ZDHHC7: variants seen among roughly 807,000 people sequenced by gnomAD.
The protein encoded by ZDHHC7 is palmitoyltransferase ZDHHC7.
In ZDHHC7, 12 loss-of-function variants were observed where a neutral mutation model predicts 34.1. The ratio of observed to expected loss-of-function variants is 0.35; its 90% confidence interval spans 0.23 to 0.57. The LOEUF is 0.57. Among genes scored for constraint, ZDHHC7 ranks in the 20% least tolerant of loss-of-function variants. The probability of loss-of-function intolerance (pLI) is 0.84; values close to 1 mark genes in which losing one functional copy is unlikely to be tolerated. For missense variants in ZDHHC7, 388 were observed against 402.7 expected (o/e 0.96, Z 0.31); for synonymous variants, 185 against 155.4 (o/e 1.19, Z -1.42).
intron 2 of ZDHHC7, among the ~76,000 whole-genome samples, chr16:84,993,492 T>A (rs1361072867): frequency 1.3e-5 from 2 of 150,990 alleles, no homozygotes; most frequent in Non-Finnish European, 1.5e-5. Context: ...TTTTTTTTTT[T>A]ATAGTCAGGC....
intron 2 of ZDHHC7, among the ~76,000 whole-genome samples, chr16:84,991,259 A>G (rs1285895689): frequency 6.6e-6 from 1 of 151,964 alleles, no homozygotes; most frequent in Non-Finnish European, 1.5e-5. Context: ...TTGACACTCT[A>G]CCCTGCTTCT....
chr16:84,997,895 T>TAAAAA (rs751166134), intron 1 of ZDHHC7, among the ~76,000 whole-genome samples: 2 of 64,428 alleles, frequency 3.1e-5, no homozygotes, highest in African/African-American at 6.1e-5. Context: ...AGACTCCGTC[T>TAAAAA]AAAAAAAAAA....
chr16:85,013,245 ATTAT>A (rs773667128), upstream of ZDHHC7, among the ~76,000 whole-genome samples: 38 of 151,896 alleles, frequency 2.5e-4, no homozygotes, highest in Non-Finnish European at 5.0e-4. Context: ...TATTATTATT[ATTAT>A]TATTTTACTT....
At chr16:84,986,094 C>T (rs1376032657) in intron 3 of ZDHHC7, among the ~76,000 whole-genome samples, 5 of 151,518 alleles carry the variant, frequency 3.3e-5, no homozygotes, top group African/African-American at 1.2e-4. Context: ...TTAAAAGATA[C>T]ACACGTTTAC....
the ZDHHC7 span, among the ~76,000 whole-genome samples, chr16:85,021,922 C>T: frequency 6.6e-6 from 1 of 151,266 alleles, no homozygotes; most frequent in Non-Finnish European, 1.5e-5. Context: ...TTTGGGAGGC[C>T]GAGGCGGTTG....
At chr16:84,981,751 C>G in intron 4 of ZDHHC7, 119 bp downstream of exon 4, 2 of 1,572,342 alleles carry the variant, frequency 1.3e-6, no homozygotes, top group Non-Finnish European at 1.7e-6. Flanking sequence ...GCCCGTACAA[C>G]GTTGCCCAGA....
intron 1 of ZDHHC7, among the ~76,000 whole-genome samples, chr16:85,001,709 C>T (rs1438781022): frequency 6.6e-6 from 1 of 152,120 alleles, no homozygotes; most frequent in African/African-American, 2.4e-5. Context: ...CACCAACAGC[C>T]ACCAGCACAC....
At chr16:84,982,942 T>C (rs945653869) in intron 3 of ZDHHC7, among the ~76,000 whole-genome samples, 5 of 152,160 alleles carry the variant, frequency 3.3e-5, no homozygotes, top group Non-Finnish European at 7.4e-5. Context: ...GTAGGGAAGG[T>C]AAGGCCAGAG....
Position 84,977,989 on chromosome 16 carries a change from G to T in ZDHHC7, c.554C>A (p.Ser185Tyr), listed in dbSNP as rs778309933. 1.9e-6 allele frequency: 3 copies of T among 1,613,704 alleles called. No homozygotes were observed. The South Asian group carries it at 3.3e-5, about 18-fold the overall frequency. Residue 185 changes from serine (S) to tyrosine (Y), a missense_variant, in exon 6 of 8, where the codon TCT (serine) becomes TAT (tyrosine). Coordinates refer to ENST00000313732, the MANE Select transcript of ZDHHC7 (RefSeq NM_017740.3). ...ACAAAGGATCAGAGCATGGACTGAA[G>T]ACAGAGCTATATACATCTAGAATGA... is the stretch of plus-strand genomic sequence containing the variant. The part of the protein sequence containing the change: ...FVLFTMYIAL[S>Y]SVHALILCGF...
At chr16:85,003,264 G>A (rs530442903) in intron 1 of ZDHHC7, among the ~76,000 whole-genome samples, 4 of 152,174 alleles carry the variant, frequency 2.6e-5, no homozygotes, top group Admixed American at 6.5e-5. Flanking sequence ...CCAGGGGGGC[G>A]CTGTAAGATC....
chr16:84,998,562 G>A lies in ZDHHC7; in HGVS notation c.-103-2555C>T, dbSNP rs1344934057. Among the ~76,000 whole-genome samples the A allele has an allele frequency of 5.3e-5, 8 of 152,124 alleles. 1 individual carries two copies. In the South Asian group the frequency reaches 1.0e-3, roughly 20 times the overall value. On this transcript the variant is annotated intron_variant, in intron 1 of 7. Coordinates refer to ENST00000313732, the MANE Select transcript of ZDHHC7 (RefSeq NM_017740.3). ...GCCTCCCGATAACCCGAGATGGCTC[G>A]CTGTCTCCCGCCCTAGTGTGCCAAG...
rs772988080 is a variant in ZDHHC7 at position 84,990,572 on chromosome 16, A to G, written c.47T>C (p.Leu16Pro). The G allele has an allele frequency of 6.2e-7, 1 of 1,614,086 alleles. No homozygotes were observed. The highest frequency in any genetic ancestry group is 1.7e-5 in the Admixed American group (1 of 60,002). The change falls in exon 3 of 8, where the codon CTC becomes CCC. Residue 16 changes from leucine to proline, a missense_variant. Transcript: ENST00000313732. The stretch of plus-strand genomic sequence containing the variant: ...GTCATAGTTGTCATTTTCAGCCAGG[A>G]GAGGATGATGCTCGACGTCCCGGAG... Reference protein sequence around the residue: ...HRLRDVEHHPLLAENDNYDSS... With the variant: ...HRLRDVEHHPPLAENDNYDSS...
At chr16:84,982,767 C>T (rs2072387291) in intron 3 of ZDHHC7, among the ~76,000 whole-genome samples, 1 of 152,268 alleles carries the variant, frequency 6.6e-6, no homozygotes, top group Admixed American at 6.5e-5. Flanking sequence ...GCATCAGAAA[C>T]TTGAACATGC....
intron 1 of ZDHHC7, among the ~76,000 whole-genome samples, chr16:85,007,409 C>A (rs1282863690): frequency 8.1e-6 from 1 of 123,726 alleles, no homozygotes. Flanking sequence ...GGCAACAGAG[C>A]GATACTCCAT....
chr16:85,015,761 G>A (rs1038966682), upstream of ZDHHC7, among the ~76,000 whole-genome samples: 4 of 151,808 alleles, frequency 2.6e-5, no homozygotes, highest in Non-Finnish European at 5.9e-5. Context: ...TGGGAGGACT[G>A]CTTGAGCCCA....
chr16:85,017,690 A>G, the ZDHHC7 span, among the ~76,000 whole-genome samples: 2 of 152,196 alleles, frequency 1.3e-5, no homozygotes, highest in African/African-American at 4.8e-5. Context: ...GTGGGCTGGG[A>G]GAGATCCCCA....
chr16:84,984,306 C>T (rs1028440439), intron 3 of ZDHHC7, among the ~76,000 whole-genome samples: 2 of 152,154 alleles, frequency 1.3e-5, no homozygotes, highest in Non-Finnish European at 2.9e-5. Context: ...CAGGTATGAG[C>T]CACCGTGCCT....
the ZDHHC7 span, among the ~76,000 whole-genome samples, chr16:85,018,597 G>A: frequency 1.3e-5 from 2 of 152,054 alleles, no homozygotes; most frequent in Admixed American, 1.3e-4. Flanking sequence ...ACAGGCAAGT[G>A]CCACCACGCC....
intron 1 of ZDHHC7, among the ~76,000 whole-genome samples, chr16:85,003,476 C>CCAT: frequency 6.6e-6 from 1 of 152,210 alleles, no homozygotes; most frequent in Non-Finnish European, 1.5e-5. Flanking sequence ...AGTGCTCTTG[C>CCAT]CATCAACTGG....
Sources: allele counts gnomAD v4.1 joint callset (sites outside exome capture counted in the v4.1 genomes callset), GRCh38; gene constraint gnomAD v4.1.1; transcripts MANE v1.5; gene names NCBI Gene and HGNC (gene_info 2026-07-23, HGNC 2026-07-21).